The following PLCXD1 variants were observed in gnomAD, a reference collection of about 807,000 sequenced individuals.
PLCXD1 encodes the protein PI-PLC X domain-containing protein 1.
PLCXD1 carries 45 observed loss-of-function variants against 37.8 expected under a neutral mutation model. The observed-to-expected ratio is 1.19, with a 90% CI of 0.94 to 1.53. The LOEUF (loss-of-function observed/expected upper bound fraction) is 1.53. PLCXD1 is among the 40% of genes most tolerant of loss of function. The probability of loss-of-function intolerance (pLI) is 0.00; values close to 1 mark genes in which losing one functional copy is unlikely to be tolerated. For missense variants in PLCXD1, 539 were observed against 454.7 expected (o/e 1.19, Z -1.69); for synonymous variants, 246 against 206.9 (o/e 1.19, Z -1.62).
intron 1 of PLCXD1, chrX:283,526 G>GGGGGCGGCCATGGTGTCAGGCCCGGGTT (rs2069342154): frequency 6.6e-6 from 1 of 150,980 alleles, no homozygotes; most frequent in Non-Finnish European, 1.5e-5. Flanking sequence ...TGAGGGTAGT[G>GGGGGCGGCCATGGTGTCAGGCCCGGGTT]GGGGCGGCCG....
Position 300,052 on chromosome X carries a change from CA to C in PLCXD1, c.*738del, listed in dbSNP as rs968112829. Reference sequence around the variant, plus strand: ...TGGGCGACAGAGCGAGACTCCATCTCAAAAAAAAAAAAAAAAAAAAAGATGG... The same window carrying C: ...TGGGCGACAGAGCGAGACTCCATCTCAAAAAAAAAAAAAAAAAAAAGATGG... On this transcript the variant is annotated 3_prime_UTR_variant, in exon 7 of 7. Transcript: ENST00000381657. 0.21 allele frequency: 13,730 copies of C among 66,650 alleles called. 2,335 individuals are homozygous for C. Among genetic ancestry groups the C allele is most frequent in the African/African-American group, 0.5 (11,696 of 23,350 alleles). 4.1% of individuals were successfully genotyped at this position (66,650 alleles called of 1,614,324 possible).
upstream of PLCXD1, among the ~76,000 whole-genome samples, chrX:280,040 G>A (rs1232897661): frequency 6.6e-6 from 1 of 152,146 alleles, no homozygotes; most frequent in Admixed American, 6.5e-5. Flanking sequence ...CCAGTGATGG[G>A]GTTTTGCCAT....
At chrX:280,391 GGGAAGGGA>G (rs2069241084), upstream of PLCXD1, among the ~76,000 whole-genome samples, 1 of 50,956 alleles carries the variant, frequency 2.0e-5, no homozygotes, top group African/African-American at 8.7e-5. Context: ...GCCGTGCAGG[GGGAAGGGA>G]GGCCGTGCAG....
intron 2 of PLCXD1, among the ~76,000 whole-genome samples, chrX:285,730 C>A (rs1426763715): frequency 1.3e-5 from 2 of 149,320 alleles, no homozygotes; most frequent in Non-Finnish European, 2.9e-5. Flanking sequence ...TGCACACTCA[C>A]ATATAGGCAT....
chrX:295,685 C>T (rs1241899687), intron 6 of PLCXD1, among the ~76,000 whole-genome samples: 15 of 151,666 alleles, frequency 9.9e-5, no homozygotes, highest in African/African-American at 3.6e-4. Flanking sequence ...CCACCACACC[C>T]GGCTAATTTT....
chrX:287,015 C>T (rs1230915038), intron 2 of PLCXD1, among the ~76,000 whole-genome samples: 3 of 151,828 alleles, frequency 2.0e-5, no homozygotes, highest in Non-Finnish European at 4.4e-5. Context: ...AGGGGCTTCA[C>T]GTTCCTCAGG....
rs2069910549 is a variant in PLCXD1, at chrX:299,119, C to T, written c.756C>T (p.Ile252=). 3 of 1,613,844 alleles carry T rather than the reference C, an allele frequency of 1.9e-6. No homozygotes were observed. Among genetic ancestry groups the T allele is most frequent in the Non-Finnish European group, 2.5e-6 (3 of 1,179,766 alleles). ...CAGGAGGGTTGTTCGTGGCCGGCAT[C>T]AACCTCACGGAGAACCTGCAGTACG... ...GRPGGLFVAG[I]NLTENLQYVL... Residue 252 remains isoleucine (I), a synonymous_variant, in exon 7 of 7, where the codon ATC becomes ATT. Coordinates refer to ENST00000381657, the MANE Select transcript of PLCXD1 (RefSeq NM_018390.4).
At chrX:299,043 A>G (rs2069906818) in intron 6 of PLCXD1, 54 bp from the exon 7 acceptor site, 4 of 1,318,456 alleles carry the variant, frequency 3.0e-6, no homozygotes, top group East Asian at 4.6e-5. Flanking sequence ...GGAGGGAGAA[A>G]CAGGCGGGTG....
chrX:288,084 C>T (rs2069514256), intron 2 of PLCXD1, among the ~76,000 whole-genome samples: 1 of 151,000 alleles, frequency 6.6e-6, no homozygotes. Flanking sequence ...TCCATCTCCA[C>T]GTGGCCTCCT....
In PLCXD1 at chrX:302,662, T is replaced by A. The variant is rs1321058752; in HGVS notation, c.*3327T>A. 1 of 152,056 alleles carries A rather than the reference T, an allele frequency of 6.6e-6. No individual in the cohort carries two copies. The highest frequency in any genetic ancestry group is 2.4e-5 in the African/African-American group (1 of 41,386). 9.4% of individuals were successfully genotyped at this position (152,056 alleles called of 1,614,324 possible). A position where few individuals can be genotyped will look rare whatever the true frequency, so the allele number is the denominator to read the frequency against. On this transcript the variant is annotated 3_prime_UTR_variant, in exon 7 of 7. Transcript: ENST00000381657. ...ATCCTGGCTCACTGCAACCTCCACC[T>A]CCCGGGTTCCAGCAAATTCTCCTGC...
intron 2 of PLCXD1, among the ~76,000 whole-genome samples, chrX:287,088 C>G (rs1326330581): frequency 6.6e-6 from 1 of 151,954 alleles, no homozygotes; most frequent in Non-Finnish European, 1.5e-5. Context: ...CTTTGGGAAG[C>G]CAAGGCAGGA....
intron 3 of PLCXD1, among the ~76,000 whole-genome samples, chrX:290,156 G>A (rs1426229455): frequency 5.9e-5 from 9 of 152,082 alleles, no homozygotes; most frequent in African/African-American, 1.2e-4. Context: ...GGCCGGGCGC[G>A]GTGGCTCACG....
Position 299,337 on chromosome X carries a change from G to A in PLCXD1, c.*2G>A, listed in dbSNP as rs774939532. ...AATCAGAAGCTGCTGTGGTGCTGACGGGACCCTTCTGAAGTTCGGGACGCG... is the reference window on the plus strand; with the variant it reads ...AATCAGAAGCTGCTGTGGTGCTGACAGGACCCTTCTGAAGTTCGGGACGCG... On this transcript the variant is annotated 3_prime_UTR_variant, in exon 7 of 7. Transcript: ENST00000381657. 3.1e-6 allele frequency: 5 copies of A among 1,605,428 alleles called. No individual in the cohort carries two copies. The highest frequency in any genetic ancestry group is 1.1e-5 in the South Asian group (1 of 90,950).
intron 6 of PLCXD1, 145 bp downstream of exon 6, chrX:293,363 C>T: frequency 4.5e-6 from 3 of 660,438 alleles, no homozygotes; most frequent in Non-Finnish European, 2.6e-6. Flanking sequence ...AATCCCTGTA[C>T]CTGTAATCCC....
At chrX:276,870 C>T (rs2069167102), upstream of PLCXD1, among the ~76,000 whole-genome samples, 1 of 152,170 alleles carries the variant, frequency 6.6e-6, no homozygotes, top group Admixed American at 6.5e-5. Context: ...TCACCCCGTG[C>T]GTTGAATGTG....
At chrX:290,238 T>G (rs146966768) in intron 3 of PLCXD1, among the ~76,000 whole-genome samples, 1 of 151,936 alleles carries the variant, frequency 6.6e-6, no homozygotes, top group African/African-American at 2.4e-5. Context: ...CCGTCCTGGC[T>G]AACATGTTGA....
chrX:277,210 G>A (rs1163757186), upstream of PLCXD1, among the ~76,000 whole-genome samples: 1 of 148,734 alleles, frequency 6.7e-6, no homozygotes. Flanking sequence ...GGGACAGGAG[G>A]GGGCGCCCCT....
At position 300,394 on chromosome X, in the gene PLCXD1, A is replaced by G. The variant is rs1027948921; in HGVS notation, c.*1059A>G. Reference sequence around the variant, plus strand: ...TATGTGTGTGTATATATGTGTGTTTATGTGTCTGTGTGTATATATGTGTAT... The same window carrying G: ...TATGTGTGTGTATATATGTGTGTTTGTGTGTCTGTGTGTATATATGTGTAT... On this transcript the variant is annotated 3_prime_UTR_variant, in exon 7 of 7. Transcript: ENST00000381657. 1.7e-4 allele frequency: 25 copies of G among 151,446 alleles called. No individual in the cohort carries two copies. Among genetic ancestry groups the G allele is most frequent in the African/African-American group, 6.1e-4 (25 of 41,134 alleles). The allele number at this position is 151,446 out of a possible 1,614,324, so 9.4% of individuals were successfully genotyped here. A position where few individuals can be genotyped will look rare whatever the true frequency, so the allele number is the denominator to read the frequency against.
chrX:282,922 T>C (rs1346573587), intron 1 of PLCXD1, among the ~76,000 whole-genome samples: 2 of 136,894 alleles, frequency 1.5e-5, no homozygotes, highest in East Asian at 4.0e-4. Context: ...GTATATATGT[T>C]ATACATGTAT....
Sources: allele counts gnomAD v4.1 joint callset (sites outside exome capture counted in the v4.1 genomes callset), GRCh38; gene constraint gnomAD v4.1.1; transcripts MANE v1.5; gene names NCBI Gene and HGNC (gene_info 2026-07-23, HGNC 2026-07-21).